WDR86: variants seen among roughly 807,000 people sequenced by gnomAD.
The protein encoded by WDR86 is WD repeat domain 86.
A neutral mutation model predicts 36.5 loss-of-function variants in WDR86; 30 were observed. The ratio of observed to expected loss-of-function variants is 0.82; its 90% confidence interval spans 0.61 to 1.11. The LOEUF (loss-of-function observed/expected upper bound fraction) is 1.11. Among genes scored for constraint, WDR86 ranks in the 50% most tolerant of loss-of-function variants. The pLI is 0.00. For synonymous variants in WDR86, 255 were observed against 252.9 expected, an observed-to-expected ratio of 1.01 and a Z score of -0.08; for missense variants, 545 against 561.2, an observed-to-expected ratio of 0.97 and a Z score of 0.29.
At chr7:151,387,732 G>A (rs1799097519) in intron 3 of WDR86, among the ~76,000 whole-genome samples, 1 of 152,194 alleles carries the variant, frequency 6.6e-6, no homozygotes, top group Non-Finnish European at 1.5e-5. Context: ...GCAGGCTCCA[G>A]AGCAGCAGAC....
At chr7:151,410,226 T>TCCG (rs920316883), upstream of WDR86, among the ~76,000 whole-genome samples, 2 of 152,124 alleles carry the variant, frequency 1.3e-5, no homozygotes, top group South Asian at 2.1e-4. Flanking sequence ...CTCTGCCACC[T>TCCG]CCGCCGCCGC....
chr7:151,375,901 C>T (rs182317005), downstream of WDR86: 325 of 1,613,312 alleles, frequency 2.0e-4, 1 homozygote, highest in African/African-American at 2.9e-3. Flanking sequence ...ATCCTGAAAC[C>T]GACAACCGTC....
In WDR86 at chr7:151,385,147, A is replaced by C; in HGVS notation, c.803T>G (p.Val268Gly). The change falls in exon 4 of 6, where the codon GTG becomes GGG. Residue 268 changes from valine to glycine, a missense_variant. Physicochemically the swap from Val to Gly is moderately radical, Grantham distance 109. Transcript: ENST00000334493. Reference protein sequence around the residue: ...KCWLADTGECVRTFTAHRRNV... With the variant: ...KCWLADTGECGRTFTAHRRNV... Reference sequence around the variant, plus strand: ...GCGTCTGTGGGCCGTGAACGTGCGCACACACTCCCCTGTGTCTGCCAGCCA... The same window carrying C: ...GCGTCTGTGGGCCGTGAACGTGCGCCCACACTCCCCTGTGTCTGCCAGCCA... The C allele has an allele frequency of 6.2e-7, 1 of 1,613,016 alleles. No homozygotes were observed. The highest frequency in any genetic ancestry group is 8.5e-7 in the Non-Finnish European group (1 of 1,179,872).
chr7:151,409,792 G>C lies in WDR86; in HGVS notation c.-203C>G. ...CCAGCCTCTGGGCCCGCGAACCCAGGGCGCTGCGGGGGGCGGCCCACTCGG... is the reference window on the plus strand; with the variant it reads ...CCAGCCTCTGGGCCCGCGAACCCAGCGCGCTGCGGGGGGCGGCCCACTCGG... On this transcript the variant is annotated 5_prime_UTR_variant, in exon 1 of 6. Coordinates refer to ENST00000334493, the MANE Select transcript of WDR86 (RefSeq NM_198285.3). The surrounding 1 kb of genome is among the most constrained non-coding windows in gnomAD (Gnocchi z 5.2). 7.9e-7 allele frequency: 1 copy of C among 1,266,758 alleles called. No individual in the cohort carries two copies. Among genetic ancestry groups the C allele is most frequent in the Non-Finnish European group, 9.9e-7 (1 of 1,010,028 alleles). The allele number at this position is 1,266,758 out of a possible 1,614,324, so 78.5% of individuals were successfully genotyped here.
At position 151,381,586 on chromosome 7, in the gene WDR86, G is replaced by A; in HGVS notation, c.1127C>T (p.Ala376Val). Residue 376 changes from alanine (A) to valine (V), a missense_variant, in exon 6 of 6, where the codon GCC becomes GTC. Transcript: ENST00000334493. This position sits in a 1 kb window ranked among gnomAD's most constrained non-coding sequence, Gnocchi z 4.8. Reference sequence around the variant, plus strand: ...GTCTGCAGGGGCCCCGCGGGATCAGGCCGGCTGCAGGGGCGCGGCGGCGCA... The same window carrying A: ...GTCTGCAGGGGCCCCGCGGGATCAGACCGGCTGCAGGGGCGCGGCGGCGCA... ...VGCAAAPLQP[A>V] The A allele has an allele frequency of 7.3e-7, 1 of 1,370,680 alleles. No homozygotes were observed. The highest frequency in any genetic ancestry group is 1.7e-5 in the South Asian group (1 of 58,570). 84.9% of individuals were successfully genotyped at this position (1,370,680 alleles called of 1,614,324 possible).
downstream of WDR86, chr7:151,376,506 C>A (rs1798261700): frequency 2.3e-6 from 2 of 886,262 alleles, no homozygotes. Context: ...ATGACTTGTG[C>A]ACAAAGGGCC....
chr7:151,398,429 T>C (rs111071857), intron 2 of WDR86, among the ~76,000 whole-genome samples: 1 of 15,298 alleles, frequency 6.5e-5, no homozygotes. Context: ...TGTGTGCACA[T>C]GTGTAAGTTG....
chr7:151,396,274 T>C (rs1205556206), intron 2 of WDR86, 78 bp from the exon 3 acceptor site: 1 of 1,509,468 alleles, frequency 6.6e-7, no homozygotes, highest in Admixed American at 1.7e-5. Flanking sequence ...CATGCCATGC[T>C]CGGCACTGCA....
At chr7:151,383,105 C>T (rs570219943) in intron 4 of WDR86, among the ~76,000 whole-genome samples, 1 of 150,576 alleles carries the variant, frequency 6.6e-6, no homozygotes, top group Admixed American at 6.6e-5. Flanking sequence ...CCCGCTTCAG[C>T]CTCCTGAGCA....
chr7:151,373,177 CGCT>C (rs1037438544), downstream of WDR86, among the ~76,000 whole-genome samples: 1 of 152,170 alleles, frequency 6.6e-6, no homozygotes, highest in African/African-American at 2.4e-5. Context: ...CCCCCGTCCT[CGCT>C]GCTGCTGATG....
In WDR86 at chr7:151,381,401, C is replaced by G; in HGVS notation, c.*181G>C. The G allele has an allele frequency of 6.8e-7, 1 of 1,477,052 alleles. No homozygotes were observed. The highest frequency in any genetic ancestry group is 2.9e-5 in the East Asian group (1 of 33,978). 91.5% of individuals were successfully genotyped at this position (1,477,052 alleles called of 1,614,324 possible). ...GCGGTCCCCAGGGCGAGCACTCCCG[C>G]TCCCAGCGCCTCCTGGCCACCAAAG... On this transcript the variant is annotated 3_prime_UTR_variant, in exon 6 of 6. Coordinates refer to ENST00000334493, the MANE Select transcript of WDR86 (RefSeq NM_198285.3). The surrounding 1 kb of genome is among the most constrained non-coding windows in gnomAD (Gnocchi z 4.8).
In WDR86 at chr7:151,409,341, G is replaced by C; in HGVS notation, c.163+86C>G. On this transcript the variant is annotated intron_variant, in intron 1 of 5. Transcript: ENST00000334493. The surrounding 1 kb of genome is among the most constrained non-coding windows in gnomAD (Gnocchi z 5.2). ...GAGCGGGGGCTGGACTTCTAGAAAG[G>C]GGTCTGCGGGCGCAGGAGCTGGGGT... is the stretch of plus-strand genomic sequence containing the variant. 6.6e-7 allele frequency: 1 copy of C among 1,523,264 alleles called. No individual in the cohort carries two copies. Among genetic ancestry groups the C allele is most frequent in the Non-Finnish European group, 8.9e-7 (1 of 1,126,016 alleles). The allele number at this position is 1,523,264 out of a possible 1,614,324, so 94.4% of individuals were successfully genotyped here.
chr7:151,376,560 C>A (rs921171457), downstream of WDR86: 34 of 1,390,150 alleles, frequency 2.4e-5, no homozygotes, highest in Non-Finnish European at 2.8e-5. Context: ...AGTCGGCTGT[C>A]CACTCGTATG....
chr7:151,393,201 G>A (rs569728027), intron 3 of WDR86, among the ~76,000 whole-genome samples: 171 of 152,294 alleles, frequency 1.1e-3, no homozygotes, highest in African/African-American at 3.7e-3. Context: ...GTGTTCACAC[G>A]TGTGTTCACA....
At position 151,385,224 on chromosome 7, in the gene WDR86, C is replaced by A. The variant is rs764161878; in HGVS notation, c.727-1G>T. Reference sequence around the variant, plus strand: ...CAGAGTACACGAGTCGGTTCACCAGCTGCGAGGAGGAGCAGGGAAGGTCGG... The same window carrying A: ...CAGAGTACACGAGTCGGTTCACCAGATGCGAGGAGGAGCAGGGAAGGTCGG... On this transcript the variant is annotated splice_acceptor_variant, in intron 3 of 5. Transcript: ENST00000334493. LOFTEE classifies it high-confidence loss of function. 50 of 1,611,182 alleles carry A rather than the reference C, an allele frequency of 3.1e-5. No individual in the cohort carries two copies. The highest frequency in any genetic ancestry group is 4.0e-5 in the Non-Finnish European group (47 of 1,179,888).
At chr7:151,374,504 CT>C, downstream of WDR86, 4 of 565,614 alleles carry the variant, frequency 7.1e-6, no homozygotes, top group South Asian at 4.3e-5. Flanking sequence ...CAGGCCAGGA[CT>C]TTGTGTAGGG....
Position 151,401,521 on chromosome 7 carries a change from G to C in WDR86, c.164-1280C>G, listed in dbSNP as rs1412042104. Among the ~76,000 whole-genome samples, 2 of 152,120 alleles carry C rather than the reference G, an allele frequency of 1.3e-5. No homozygotes were observed. The highest frequency in any genetic ancestry group is 6.5e-5 in the Admixed American group (1 of 15,270). On this transcript the variant is annotated intron_variant, in intron 1 of 5. Coordinates refer to ENST00000334493, the MANE Select transcript of WDR86 (RefSeq NM_198285.3). This position sits in a 1 kb window ranked among gnomAD's most constrained non-coding sequence, Gnocchi z 4.3. ...GGGATGGGGACAATGCCTGCCTCAC[G>C]GGATGTAGCGCAGACTGAGGACAGA...
At chr7:151,404,351 A>C (rs1800556897) in intron 1 of WDR86, among the ~76,000 whole-genome samples, 1 of 152,222 alleles carries the variant, frequency 6.6e-6, no homozygotes, top group African/African-American at 2.4e-5. Context: ...TGCTGTGGAC[A>C]GGCCTCTTCC....
At chr7:151,382,614 G>A (rs1236917624) in intron 4 of WDR86, among the ~76,000 whole-genome samples, 1 of 152,242 alleles carries the variant, frequency 6.6e-6, no homozygotes, top group African/African-American at 2.4e-5. Flanking sequence ...AGCAGGCGGG[G>A]CCTGAGAATC....
Sources: allele counts gnomAD v4.1 joint callset (sites outside exome capture counted in the v4.1 genomes callset), GRCh38; gene constraint gnomAD v4.1.1; non-coding constraint Gnocchi (gnomAD v3.1); transcripts MANE v1.5; gene names NCBI Gene and HGNC (gene_info 2026-07-23, HGNC 2026-07-21).